The following UCKL1 variants were observed in gnomAD, a reference collection of about 807,000 sequenced individuals.
UCKL1 encodes uridine-cytidine kinase-like 1.
In UCKL1, 65 loss-of-function variants were observed where a neutral mutation model predicts 59.2. That is an observed-to-expected ratio of 1.10 (90% CI 0.90 to 1.35). The LOEUF (loss-of-function observed/expected upper bound fraction) is 1.35. UCKL1 is among the 40% of genes most tolerant of loss of function. The pLI, the probability that UCKL1 is intolerant of heterozygous loss-of-function variation, is 0.00. For missense variants in UCKL1, 703 were observed against 784.3 expected (o/e 0.90, Z 1.24); for synonymous variants, 410 against 323.1 (o/e 1.27, Z -2.88).
chr20:63,956,345 C>T lies in UCKL1; in HGVS notation c.28G>A (p.Ala10Thr). 1 of 1,546,024 alleles carries T rather than the reference C, an allele frequency of 6.5e-7. No individual in the cohort carries two copies. The highest frequency in any genetic ancestry group is 8.7e-7 in the Non-Finnish European group (1 of 1,149,408). Residue 10 changes from alanine to threonine, a missense_variant, in exon 1 of 15, where the codon GCT (alanine) becomes ACT (threonine). Physicochemically the swap from Ala to Thr is moderately conservative, Grantham distance 58 (BLOSUM62 0). This residue lies in a region of UCKL1 where 398 missense variants were observed against 373.0 expected (regional missense o/e 1.07). Transcript: ENST00000354216. MAAPPARADADPSPTSPPTA... is the reference protein window; with the variant it reads MAAPPARADTDPSPTSPPTA... ...GGTGGCGACGTGGGCGAAGGATCAG[C>T]GTCCGCGCGGGCCGGGGGCGCAGCC...
chr20:63,943,209 C>G (rs1360791037), intron 8 of UCKL1, among the ~76,000 whole-genome samples: 1 of 152,214 alleles, frequency 6.6e-6, no homozygotes, highest in Non-Finnish European at 1.5e-5. Context: ...GGTGGGAGGA[C>G]AGGCGCGAGG....
intron 1 of UCKL1, among the ~76,000 whole-genome samples, chr20:63,948,731 C>T (rs1394259436): frequency 1.4e-5 from 2 of 140,776 alleles, no homozygotes; most frequent in South Asian, 2.3e-4. Flanking sequence ...GAGAGGGAAG[C>T]GTGTGCACAC....
At chr20:63,947,786 A>C (rs2146587772) in intron 1 of UCKL1, among the ~76,000 whole-genome samples, 1 of 152,338 alleles carries the variant, frequency 6.6e-6, no homozygotes, top group South Asian at 2.1e-4. Context: ...GAGCCCCTAA[A>C]GTCTGCAAGG....
In UCKL1 at chr20:63,941,321, A is replaced by G. The variant is rs542242788; in HGVS notation, c.924-113T>C. On this transcript the variant is annotated intron_variant, in intron 8 of 14. Coordinates refer to ENST00000354216, the MANE Select transcript of UCKL1 (RefSeq NM_017859.4). ...GGGGAACACACGGGCCAGGCACAGCACGAGGTGCAGAGCGGGCCTGACTTC... is the reference window on the plus strand; with the variant it reads ...GGGGAACACACGGGCCAGGCACAGCGCGAGGTGCAGAGCGGGCCTGACTTC... 48 of 1,433,778 alleles carry G rather than the reference A, an allele frequency of 3.3e-5. No individual in the cohort carries two copies. The African/African-American group carries it at 6.9e-4, about 21-fold the overall frequency. 88.8% of individuals were successfully genotyped at this position (1,433,778 alleles called of 1,614,324 possible).
Position 63,945,848 on chromosome 20 carries a change from A to AC in UCKL1, c.538dup (p.Val180GlyfsTer5). 1 of 1,613,360 alleles carries AC rather than the reference A, an allele frequency of 6.2e-7. No individual in the cohort carries two copies. The highest frequency in any genetic ancestry group is 1.1e-5 in the South Asian group (1 of 91,060). Reference sequence around the variant, plus strand: ...GTGCGTGGTGAAGTCATAAATGGGCACCTTGACACTCTTCCCCTGCTTCAG... The same window carrying AC: ...GTGCGTGGTGAAGTCATAAATGGGCACCCTTGACACTCTTCCCCTGCTTCAG... On this transcript the variant is annotated frameshift_variant, in exon 4 of 15. Coordinates refer to ENST00000354216, the MANE Select transcript of UCKL1 (RefSeq NM_017859.4). LOFTEE classifies it high-confidence loss of function.
intron 1 of UCKL1, among the ~76,000 whole-genome samples, chr20:63,951,450 G>A (rs1422366012): frequency 6.6e-6 from 1 of 152,192 alleles, no homozygotes; most frequent in Non-Finnish European, 1.5e-5. Flanking sequence ...AAGGATATCT[G>A]AGGCGCCTCT....
At chr20:63,946,343 C>CTG in intron 2 of UCKL1, 76 bp from the exon 3 acceptor site, 1 of 1,531,982 alleles carries the variant, frequency 6.5e-7, no homozygotes, top group Non-Finnish European at 8.8e-7. Flanking sequence ...GGTGCCCATC[C>CTG]CGCTGCCGCT....
chr20:63,940,241 G>A lies in UCKL1; in HGVS notation c.1476C>T (p.His492=), dbSNP rs751685549. 3 of 1,612,794 alleles carry A rather than the reference G, an allele frequency of 1.9e-6. No individual in the cohort carries two copies. Among genetic ancestry groups the A allele is most frequent in the Admixed American group, 1.7e-5 (1 of 60,024 alleles). Residue 492 remains histidine (H), a synonymous_variant, in exon 14 of 15, where the codon CAC becomes CAT. Coordinates refer to ENST00000354216, the MANE Select transcript of UCKL1 (RefSeq NM_017859.4). ...CTCGCGGAAATGCATAGGCCACTGA[G>A]TGCACGCCCATCTCTGCCATGAGCA... ...LSLLMAEMGV[H]SVAYAFPRVR...
At chr20:63,952,793 A>G (rs1471346993) in intron 1 of UCKL1, among the ~76,000 whole-genome samples, 14 of 152,168 alleles carry the variant, frequency 9.2e-5, no homozygotes, top group Admixed American at 9.2e-4. Context: ...TCTGGGCCAC[A>G]GCACAGTCGA....
chr20:63,940,576 C>G lies in UCKL1; in HGVS notation c.1302+18G>C, dbSNP rs746620326. The G allele has an allele frequency of 6.2e-7, 1 of 1,606,242 alleles. No homozygotes were observed. The highest frequency in any genetic ancestry group is 1.7e-5 in the Admixed American group (1 of 59,942). The stretch of plus-strand genomic sequence containing the variant: ...GCCCCCTACCCCCGGGCTCATCACC[C>G]CGGCTGCCCCCAGGCACCTCGGGCT... On this transcript the variant is annotated intron_variant, in intron 12 of 14. Transcript: ENST00000354216.
Position 63,945,933 on chromosome 20 carries a change from AGTT to A in UCKL1, c.451_453del (p.Asn151del), listed in dbSNP as rs754312426. ...AAGGCATCTGGGTGGTCGAAGTTGAAGTTGTTGTGTGCGGCCTGTTCCTGCTGC... is the reference window on the plus strand; with the variant it reads ...AAGGCATCTGGGTGGTCGAAGTTGAAGTTGTGTGCGGCCTGTTCCTGCTGC... On this transcript the variant is annotated inframe_deletion, in exon 4 of 15. Transcript: ENST00000354216. 36 of 1,613,772 alleles carry A rather than the reference AGTT, an allele frequency of 2.2e-5. No individual in the cohort carries two copies. The highest frequency in any genetic ancestry group is 5.5e-5 in the South Asian group (5 of 91,066).
At chr20:63,940,756 G>A in intron 11 of UCKL1, 38 bp downstream of exon 11, 11 of 1,605,480 alleles carry the variant, frequency 6.9e-6, no homozygotes, top group Non-Finnish European at 8.5e-6. Context: ...TCCCGCCCCA[G>A]CAGCCTGTCC....
chr20:63,945,737 A>G lies in UCKL1; in HGVS notation c.583-15T>C, dbSNP rs2055995173. On this transcript the variant is annotated splice_polypyrimidine_tract_variant and intron_variant, in intron 4 of 14. Coordinates refer to ENST00000354216, the MANE Select transcript of UCKL1 (RefSeq NM_017859.4). ...TACAGTGTTTTCTGTGAAGAAACCC[A>G]GGAGTTGCGGAGCCTGGCTCATGTG... The G allele has an allele frequency of 3.7e-6, 6 of 1,612,890 alleles. No homozygotes were observed. The highest frequency in any genetic ancestry group is 5.1e-6 in the Non-Finnish European group (6 of 1,179,552).
intron 1 of UCKL1, among the ~76,000 whole-genome samples, chr20:63,947,713 A>G (rs1233516604): frequency 1.3e-5 from 2 of 152,246 alleles, no homozygotes; most frequent in Non-Finnish European, 2.9e-5. Context: ...GCATCTGGCA[A>G]ACACCAGAGA....
At chr20:63,948,460 A>T (rs2056835535) in intron 1 of UCKL1, 1 of 151,200 alleles carries the variant, frequency 6.6e-6, no homozygotes, top group African/African-American at 2.4e-5. Context: ...GAGCATGGTC[A>T]GGGGAGAAAA....
intron 8 of UCKL1, among the ~76,000 whole-genome samples, chr20:63,943,214 G>A (rs1409154889): frequency 1.3e-5 from 2 of 152,222 alleles, no homozygotes; most frequent in African/African-American, 4.8e-5. Context: ...GAGGACAGGC[G>A]CGAGGCCCTC....
intron 8 of UCKL1, chr20:63,942,533 G>C (rs1451385084): frequency 8.9e-7 from 1 of 1,121,464 alleles, no homozygotes; most frequent in Middle Eastern, 4.0e-4. Flanking sequence ...GAACAAGGCA[G>C]GAAACGGGGG....
rs1347892042 is a variant in UCKL1, at chr20:63,940,059, GA to G, written c.1568-5del. On this transcript the variant is annotated splice_polypyrimidine_tract_variant and splice_region_variant and intron_variant, in intron 14 of 14. Coordinates refer to ENST00000354216, the MANE Select transcript of UCKL1 (RefSeq NM_017859.4). ...AAGTAGCGGTCGCCAAAGTTCCCTG[GA>G]AAAAGGGGGGGGGGGGTCCAGTGTG... is the stretch of plus-strand genomic sequence containing the variant. 4.4e-5 allele frequency: 44 copies of G among 1,000,730 alleles called. No individual in the cohort carries two copies. In the Admixed American group the frequency reaches 6.1e-4, roughly 14 times the overall value. The allele number at this position is 1,000,730 out of a possible 1,614,324, so 62.0% of individuals were successfully genotyped here. A position where few individuals can be genotyped will look rare whatever the true frequency, so the allele number is the denominator to read the frequency against.
chr20:63,944,847 TC>T, intron 5 of UCKL1, 113 bp from the exon 6 acceptor site: 1 of 1,317,352 alleles, frequency 7.6e-7, no homozygotes, highest in South Asian at 1.4e-5. Flanking sequence ...CAGAGCCACT[TC>T]CCCAGGGCAC....
Sources: gnomAD v4.1 joint callset for allele counts (sites outside exome capture counted in the v4.1 genomes callset) on GRCh38, gnomAD v4.1.1 for gene constraint, gnomAD v4.1.1 regional missense constraint, MANE v1.5 for transcripts, NCBI Gene and HGNC (gene_info 2026-07-23, HGNC 2026-07-21) for gene names.